KASH5: variants seen among roughly 807,000 people sequenced by gnomAD.
KASH5 encodes the protein protein KASH5.
KASH5 carries 72 observed loss-of-function variants against 84.2 expected under a neutral mutation model. The ratio of observed to expected loss-of-function variants is 0.85; its 90% confidence interval spans 0.71 to 1.04. KASH5 has a LOEUF of 1.04. KASH5 is among the 50% of genes least tolerant of loss of function. KASH5 has a pLI of 0.00. For synonymous variants in KASH5, 260 were observed against 279.1 expected, an observed-to-expected ratio of 0.93 and a Z score of 0.68; for missense variants, 650 against 701.0, an observed-to-expected ratio of 0.93 and a Z score of 0.82.
At position 49,417,229 on chromosome 19, in the gene KASH5, G is replaced by A. The variant is rs1335111284; in HGVS notation, c.1510G>A (p.Ala504Thr). Residue 504 changes from alanine (A) to threonine (T), a missense_variant, in exon 19 of 20, where the codon GCC (alanine) becomes ACC (threonine). By Grantham distance (58) the Ala-to-Thr change is moderately conservative (BLOSUM62 0). Transcript: ENST00000447857. The surrounding 1 kb of genome is among the most constrained non-coding windows in gnomAD (Gnocchi z 5.2). ...AAAGCTGGTCCCAGTCAGGAGGAGG[G>A]CCTGGGGCCAGCTCTGCCTGCCCCC... Reference protein sequence around the residue: ...MKKLVPVRRRAWGQLCLPPQR... With the variant: ...MKKLVPVRRRTWGQLCLPPQR... 6.2e-7 allele frequency: 1 copy of A among 1,613,694 alleles called. No homozygotes were observed. Among genetic ancestry groups the A allele is most frequent in the South Asian group, 1.1e-5 (1 of 91,018 alleles).
At position 49,415,203 on chromosome 19, in the gene KASH5, G is replaced by A. The variant is rs553903273; in HGVS notation, c.1374+207G>A. The A allele has an allele frequency of 7.5e-5, 46 of 614,470 alleles. No homozygotes were observed. In the Middle Eastern group the frequency reaches 1.1e-3, roughly 15 times the overall value. The allele number at this position is 614,470 out of a possible 1,614,324, so 38.1% of individuals were successfully genotyped here. ...GGGGGAGGCCTGGAGGCTAGTGGGC[G>A]GCCAGGCTGCTCCCAGGGGACCCTC... is the stretch of plus-strand genomic sequence containing the variant. On this transcript the variant is annotated intron_variant, in intron 17 of 19. Coordinates refer to ENST00000447857, the MANE Select transcript of KASH5 (RefSeq NM_144688.5).
At chr19:49,406,191 A>G (rs908991477) in intron 9 of KASH5, among the ~76,000 whole-genome samples, 3 of 152,028 alleles carry the variant, frequency 2.0e-5, no homozygotes, top group Admixed American at 6.6e-5. Context: ...GAGAAAATGC[A>G]TATAATTATT....
chr19:49,404,460 C>T (rs11880715), intron 9 of KASH5, among the ~76,000 whole-genome samples: 5,226 of 152,266 alleles, frequency 0.034, 281 homozygotes, highest in African/African-American at 0.12. Flanking sequence ...GCTAACTGCC[C>T]TCAGCCTTGA....
chr19:49,402,545 A>G (rs1055511851), intron 9 of KASH5, among the ~76,000 whole-genome samples: 1 of 151,982 alleles, frequency 6.6e-6, no homozygotes, highest in Non-Finnish European at 1.5e-5. Flanking sequence ...CACCTCTACT[A>G]AAAATATAAA....
intron 5 of KASH5, 107 bp from the exon 6 acceptor site, chr19:49,397,543 GA>G: frequency 1.1e-6 from 1 of 948,320 alleles, no homozygotes; most frequent in Non-Finnish European, 1.7e-6. Context: ...AGATTCTCCA[GA>G]GCACAGGTGA....
intron 11 of KASH5, 59 bp from the exon 12 acceptor site, chr19:49,407,553 C>G (rs1322937863): frequency 3.3e-6 from 5 of 1,515,894 alleles, no homozygotes; most frequent in Non-Finnish European, 3.6e-6. Context: ...CCCGCCACCA[C>G]CACCCCCAGT....
At chr19:49,411,898 AGGAGGGAG>A (rs1371294879) in intron 15 of KASH5, among the ~76,000 whole-genome samples, 3 of 145,130 alleles carry the variant, frequency 2.1e-5, no homozygotes, top group Non-Finnish European at 4.5e-5. Flanking sequence ...GAAGGATGGA[AGGAGGGAG>A]GGAGGGAAGG....
At chr19:49,398,386 T>TTTTTG (rs1974254883) in intron 7 of KASH5, among the ~76,000 whole-genome samples, 1 of 151,484 alleles carries the variant, frequency 6.6e-6, no homozygotes, top group African/African-American at 2.4e-5. Flanking sequence ...TTTTTTTTTT[T>TTTTTG]GAGACAGGTT....
rs9676310 is a variant in KASH5 at position 49,416,585 on chromosome 19, C to T, written c.1375-430C>T. Among the ~76,000 whole-genome samples the T allele has an allele frequency of 4.7e-3, 717 of 152,282 alleles. 5 individuals are homozygous for T. Among genetic ancestry groups the T allele is most frequent in the African/African-American group, 0.016 (665 of 41,540 alleles). The stretch of plus-strand genomic sequence containing the variant: ...ATGAGGCCCAGCACAGGGGTGGGCA[C>T]CTGTAGAAGATGTGGTCTCTGCCCT... On this transcript the variant is annotated intron_variant, in intron 17 of 19. Transcript: ENST00000447857. This position sits in a 1 kb window ranked among gnomAD's most constrained non-coding sequence, Gnocchi z 5.4.
chr19:49,409,593 CT>C (rs1974646472), intron 14 of KASH5, among the ~76,000 whole-genome samples, 159 bp from the exon 15 acceptor site: 1 of 152,172 alleles, frequency 6.6e-6, no homozygotes, highest in African/African-American at 2.4e-5. Flanking sequence ...AAATCCTCCC[CT>C]GTTCCTGCTT....
chr19:49,398,718 C>T (rs746798236), intron 7 of KASH5, among the ~76,000 whole-genome samples: 31 of 152,036 alleles, frequency 2.0e-4, no homozygotes, highest in Non-Finnish European at 3.8e-4. Context: ...TGTCACTCGC[C>T]CTTTCATCTC....
chr19:49,410,055 A>G (rs1600944299), intron 15 of KASH5, among the ~76,000 whole-genome samples, 180 bp downstream of exon 15: 1 of 152,192 alleles, frequency 6.6e-6, no homozygotes, highest in South Asian at 2.1e-4. Context: ...CACCACCCCT[A>G]CCCCAGGGAC....
At chr19:49,410,190 G>A (rs1269490850) in intron 15 of KASH5, among the ~76,000 whole-genome samples, 2 of 152,196 alleles carry the variant, frequency 1.3e-5, no homozygotes, top group African/African-American at 4.8e-5. Context: ...TCGTACTACT[G>A]TAGGAAGGGA....
intron 1 of KASH5, 123 bp from the exon 2 acceptor site, chr19:49,390,666 G>A: frequency 2.1e-6 from 1 of 471,736 alleles, no homozygotes; most frequent in South Asian, 2.7e-5. Context: ...GAGCTGCTCA[G>A]GTCACAGCGG....
intron 2 of KASH5, 115 bp downstream of exon 2, chr19:49,391,041 T>C: frequency 4.2e-6 from 5 of 1,182,158 alleles, no homozygotes; most frequent in Non-Finnish European, 6.1e-6. Flanking sequence ...GGCTGAGCCT[T>C]TGCATGGGTG....
In KASH5 at chr19:49,390,768, A is replaced by AC. The variant is rs1453315526; in HGVS notation, c.-95-21_-95-20insC. Reference sequence around the variant, plus strand: ...CCTTGGTGGCTGCTCTGAGGACACCATTTCCTGCTTCTCCTTCCAGGAGTG... The same window carrying AC: ...CCTTGGTGGCTGCTCTGAGGACACCACTTTCCTGCTTCTCCTTCCAGGAGTG... On this transcript the variant is annotated intron_variant, in intron 1 of 19. Transcript: ENST00000447857. 4 of 902,814 alleles carry AC rather than the reference A, an allele frequency of 4.4e-6. No individual in the cohort carries two copies. The African/African-American group carries it at 9.5e-5, about 21-fold the overall frequency. The allele number at this position is 902,814 out of a possible 1,614,324, so 55.9% of individuals were successfully genotyped here.
At chr19:49,415,178 G>C (rs934853362) in intron 17 of KASH5, 182 bp downstream of exon 17, 17 of 677,184 alleles carry the variant, frequency 2.5e-5, no homozygotes, top group African/African-American at 1.8e-4. Context: ...TGGTGAGGTG[G>C]GGGGAGGCCT....
intron 9 of KASH5, among the ~76,000 whole-genome samples, chr19:49,400,185 ATC>A (rs1974315616): frequency 6.8e-6 from 1 of 146,858 alleles, no homozygotes; most frequent in South Asian, 2.2e-4. Flanking sequence ...CCAAGATTGC[ATC>A]ATGGCATTCC....
intron 9 of KASH5, among the ~76,000 whole-genome samples, chr19:49,401,043 G>T (rs1974346047): frequency 6.6e-6 from 1 of 152,196 alleles, no homozygotes; most frequent in Non-Finnish European, 1.5e-5. Flanking sequence ...AGATTGATGG[G>T]TTTTGTCCAA....
Sources: gnomAD v4.1 joint callset for allele counts (sites outside exome capture counted in the v4.1 genomes callset) on GRCh38, gnomAD v4.1.1 for gene constraint, Gnocchi (gnomAD v3.1) non-coding constraint, MANE v1.5 for transcripts, NCBI Gene and HGNC (gene_info 2026-07-23, HGNC 2026-07-21) for gene names.